The following RAD9B variants were observed in gnomAD, a reference collection of about 807,000 sequenced individuals.
RAD9B encodes the protein RAD9 checkpoint clamp component B.
Under a neutral mutation model 48.3 loss-of-function variants are expected in RAD9B, and 41 were observed. That is an observed-to-expected ratio of 0.85 (90% confidence interval 0.66 to 1.10). The LOEUF (loss-of-function observed/expected upper bound fraction) is 1.10, where lower values mean the gene tolerates loss of function less well. Among genes scored for constraint, RAD9B ranks in the 50% least tolerant of loss-of-function variants. The probability of loss-of-function intolerance (pLI) is 0.00; values close to 1 mark genes in which losing one functional copy is unlikely to be tolerated. For synonymous variants in RAD9B, 160 were observed against 157.9 expected (o/e 1.01, Z -0.10); for missense variants, 444 against 485.1 (o/e 0.92, Z 0.80).
intron 2 of RAD9B, among the ~76,000 whole-genome samples, chr12:110,504,190 C>T (rs145232213): frequency 7.6e-4 from 115 of 150,910 alleles, no homozygotes; most frequent in African/African-American, 2.7e-3. Context: ...AAATTGAGGC[C>T]GGGCGCGATG....
chr12:110,526,317 G>A (rs1275489319), intron 10 of RAD9B, among the ~76,000 whole-genome samples: 1 of 152,058 alleles, frequency 6.6e-6, no homozygotes, highest in African/African-American at 2.4e-5. Flanking sequence ...TCCTCCATTA[G>A]ATTACTAGAC....
intron 6 of RAD9B, among the ~76,000 whole-genome samples, chr12:110,516,534 G>A (rs773201752): frequency 4.6e-5 from 7 of 151,830 alleles, no homozygotes; most frequent in Non-Finnish European, 7.4e-5. Context: ...TCATTTGGCC[G>A]GGTGCGGTGG....
chr12:110,505,467 G>A, intron 2 of RAD9B, 150 bp from the exon 3 acceptor site: 3 of 469,834 alleles, frequency 6.4e-6, no homozygotes, highest in South Asian at 7.1e-5. Flanking sequence ...AAAAAATAGA[G>A]GTGGGGTCTT....
In RAD9B at chr12:110,530,533, C is replaced by T; in HGVS notation, c.1134C>T (p.Cys378=). The T allele has an allele frequency of 1.9e-6, 3 of 1,613,642 alleles. No homozygotes were observed. The highest frequency in any genetic ancestry group is 1.7e-6 in the Non-Finnish European group (2 of 1,179,784). Residue 378 remains cysteine, a synonymous_variant, in exon 11 of 11, where the codon TGC becomes TGT. Transcript: ENST00000409300. ...PGSLCLRKFS[C]MFFGAVSSDQ... Reference sequence around the variant, plus strand: ...TCCTTTTTTCCCTCCAGTTTTCTTGCATGTTCTTTGGAGCAGTTTCTTCTG... The same window carrying T: ...TCCTTTTTTCCCTCCAGTTTTCTTGTATGTTCTTTGGAGCAGTTTCTTCTG...
At chr12:110,525,753 T>C (rs537917966) in intron 10 of RAD9B, among the ~76,000 whole-genome samples, 25 of 152,290 alleles carry the variant, frequency 1.6e-4, no homozygotes, top group Non-Finnish European at 3.2e-4. Flanking sequence ...TGCAGTGGCA[T>C]GATCTTGGCT....
intron 8 of RAD9B, 133 bp from the exon 9 acceptor site, chr12:110,519,661 C>G: frequency 1.1e-6 from 1 of 911,178 alleles, no homozygotes; most frequent in Non-Finnish European, 1.6e-6. Context: ...GTCTCAAACT[C>G]GCAACCTCAG....
intron 10 of RAD9B, among the ~76,000 whole-genome samples, chr12:110,525,815 C>G (rs879330961): frequency 2.0e-5 from 3 of 152,122 alleles, no homozygotes; most frequent in Admixed American, 2.0e-4. Context: ...CTCAGCCTCT[C>G]GAGTAGCTGA....
chr12:110,527,216 G>A (rs1340654571), intron 10 of RAD9B, among the ~76,000 whole-genome samples: 1 of 152,042 alleles, frequency 6.6e-6, no homozygotes, highest in Non-Finnish European at 1.5e-5. Flanking sequence ...AATCAGCAAC[G>A]GCCGTTTTTT....
At chr12:110,505,522 C>T in intron 2 of RAD9B, 95 bp from the exon 3 acceptor site, 1 of 1,086,896 alleles carries the variant, frequency 9.2e-7, no homozygotes, top group Non-Finnish European at 1.2e-6. Flanking sequence ...TTCCATCCAT[C>T]CTCCTGCCTT....
intron 6 of RAD9B, among the ~76,000 whole-genome samples, chr12:110,516,337 C>T (rs2063599370): frequency 6.6e-6 from 1 of 151,994 alleles, no homozygotes; most frequent in Non-Finnish European, 1.5e-5. Flanking sequence ...ATAAAGATGG[C>T]CATTTAGTAG....
At position 110,533,409 on chromosome 12, in the gene RAD9B, GT is replaced by G; in HGVS notation, c.*2757del. Reference sequence around the variant, plus strand: ...TCAACAGAAAAAAAGCAGCTCATTAGTATACACACAGATTCTAATTTGCTTC... The same window carrying G: ...TCAACAGAAAAAAAGCAGCTCATTAGATACACACAGATTCTAATTTGCTTC... On this transcript the variant is annotated 3_prime_UTR_variant, in exon 11 of 11. Coordinates refer to ENST00000409300, the MANE Select transcript of RAD9B (RefSeq NM_001286535.2). The G allele has an allele frequency of 6.6e-6, 1 of 152,114 alleles. No individual in the cohort carries two copies. Among genetic ancestry groups the G allele is most frequent in the African/African-American group, 2.4e-5 (1 of 41,406 alleles). The allele number at this position is 152,114 out of a possible 1,614,324, so 9.4% of individuals were successfully genotyped here.
At chr12:110,510,870 C>G (rs971555784) in intron 4 of RAD9B, among the ~76,000 whole-genome samples, 1 of 151,924 alleles carries the variant, frequency 6.6e-6, no homozygotes, top group African/African-American at 2.4e-5. Context: ...GGGAGGATCA[C>G]TTGAGCCCAG....
chr12:110,516,277 A>G (rs1453510276), intron 6 of RAD9B, among the ~76,000 whole-genome samples: 1 of 151,034 alleles, frequency 6.6e-6, no homozygotes, highest in Non-Finnish European at 1.5e-5. Context: ...CTGGTGTCAC[A>G]AATTGCCTAG....
At chr12:110,505,876 A>T (rs1223761151) in intron 3 of RAD9B, 104 bp downstream of exon 3, 3 of 847,526 alleles carry the variant, frequency 3.5e-6, no homozygotes, top group Non-Finnish European at 5.2e-6. Flanking sequence ...ATTCAGGACA[A>T]ATCTGTTCAT....
At chr12:110,524,149 A>G (rs1369707536) in intron 10 of RAD9B, among the ~76,000 whole-genome samples, 3 of 152,196 alleles carry the variant, frequency 2.0e-5, no homozygotes, top group Non-Finnish European at 4.4e-5. Flanking sequence ...AACTTGGACA[A>G]GTTATTTATT....
At chr12:110,519,748 C>A in intron 8 of RAD9B, 46 bp from the exon 9 acceptor site, 1 of 1,565,758 alleles carries the variant, frequency 6.4e-7, no homozygotes, top group South Asian at 1.2e-5. Flanking sequence ...TTTCTAATGT[C>A]CATCAGAAAA....
At chr12:110,525,015 G>A (rs1295547706) in intron 10 of RAD9B, among the ~76,000 whole-genome samples, 2 of 151,908 alleles carry the variant, frequency 1.3e-5, no homozygotes, top group Admixed American at 6.6e-5. Context: ...TTTAGACGGA[G>A]TTTCATTTTC....
intron 4 of RAD9B, among the ~76,000 whole-genome samples, chr12:110,508,538 G>A (rs1000924989): frequency 5.3e-5 from 8 of 152,136 alleles, no homozygotes; most frequent in Admixed American, 2.0e-4. Context: ...AAAAACAGAC[G>A]GTCCAACTCA....
intron 2 of RAD9B, 97 bp downstream of exon 2, chr12:110,503,973 T>A: frequency 1.5e-6 from 1 of 667,048 alleles, no homozygotes; most frequent in Non-Finnish European, 2.5e-6. Flanking sequence ...CCAGAAATTG[T>A]AATTATCCCT....
Sources: allele counts gnomAD v4.1 joint callset (sites outside exome capture counted in the v4.1 genomes callset), GRCh38; gene constraint gnomAD v4.1.1; transcripts MANE v1.5; gene names NCBI Gene and HGNC (gene_info 2026-07-23, HGNC 2026-07-21).